Variants in SGCZ observed in about 807,000 individuals in gnomAD.
SGCZ encodes the protein zeta-sarcoglycan.
A neutral mutation model predicts 41.3 loss-of-function variants in SGCZ; 40 were observed. That is an observed-to-expected ratio of 0.97 (90% CI 0.75 to 1.26). SGCZ has a LOEUF of 1.26. Among genes scored for constraint, SGCZ ranks in the 50% most tolerant of loss-of-function variants. SGCZ has a pLI of 0.00. For synonymous variants in SGCZ, 206 were observed against 137.5 expected (o/e 1.50, Z -3.49); for missense variants, 552 against 369.8 (o/e 1.49, Z -4.04).
chr8:14,626,223 C>T (rs1806449276), intron 1 of SGCZ, among the ~76,000 whole-genome samples: 1 of 151,982 alleles, frequency 6.6e-6, no homozygotes, highest in African/African-American at 2.4e-5. Flanking sequence ...AAACGTGTGT[C>T]ATGGTGGTTT....
intron 5 of SGCZ, among the ~76,000 whole-genome samples, chr8:14,154,595 A>C (rs182630225): frequency 6.6e-6 from 1 of 152,182 alleles, no homozygotes. Context: ...TCATGTGCAT[A>C]ATTTTTAAAA....
intron 1 of SGCZ, among the ~76,000 whole-genome samples, chr8:14,566,058 A>G (rs747108587): frequency 1.6e-4 from 24 of 152,232 alleles, no homozygotes; most frequent in Non-Finnish European, 3.4e-4. Flanking sequence ...ATGAAAGGAC[A>G]AATTCACAAT....
chr8:14,107,989 C>T (rs922112802), intron 6 of SGCZ, among the ~76,000 whole-genome samples, 174 bp downstream of exon 6: 1 of 151,872 alleles, frequency 6.6e-6, no homozygotes, highest in African/African-American at 2.4e-5. Context: ...TGTATAACTG[C>T]CTTTGCCTTT....
intron 6 of SGCZ, among the ~76,000 whole-genome samples, chr8:14,104,118 C>T (rs918914050): frequency 1.3e-5 from 2 of 151,998 alleles, no homozygotes; most frequent in Admixed American, 6.6e-5. Flanking sequence ...TATAAAATAT[C>T]GTCTAAAAAG....
intron 1 of SGCZ, among the ~76,000 whole-genome samples, chr8:14,811,947 T>C (rs1801750732): frequency 6.6e-6 from 1 of 152,018 alleles, no homozygotes; most frequent in Non-Finnish European, 1.5e-5. Flanking sequence ...CAATTAATTA[T>C]CCTGAGCTGG....
intron 4 of SGCZ, among the ~76,000 whole-genome samples, chr8:14,218,856 C>G (rs1335717460): frequency 6.6e-6 from 1 of 152,118 alleles, no homozygotes; most frequent in Non-Finnish European, 1.5e-5. Flanking sequence ...CAATGAGAAC[C>G]TTGGCGATGA....
intron 1 of SGCZ, among the ~76,000 whole-genome samples, chr8:15,221,989 T>C (rs1801620469): frequency 6.6e-6 from 1 of 152,210 alleles, no homozygotes. Flanking sequence ...CACTTACATT[T>C]CAAAATGCAT....
rs558120996 is a variant in SGCZ at position 14,253,471 on chromosome 8, A to C, written c.337-15792T>G. ...AGACTAGTTGACATGTATATGAAAC[A>C]AGTAATCTTTATGCCTCAAAGCTGA... is the stretch of plus-strand genomic sequence containing the variant. On this transcript the variant is annotated intron_variant, in intron 3 of 7. Transcript: ENST00000382080. Among the ~76,000 whole-genome samples the C allele has an allele frequency of 2.6e-3, 393 of 152,270 alleles. 4 individuals carry two copies. Among genetic ancestry groups the C allele is most frequent in the African/African-American group, 9.0e-3 (373 of 41,570 alleles).
At chr8:14,655,586 A>G (rs1807539496) in intron 1 of SGCZ, among the ~76,000 whole-genome samples, 1 of 152,116 alleles carries the variant, frequency 6.6e-6, no homozygotes, top group African/African-American at 2.4e-5. Flanking sequence ...GAAATTCACC[A>G]GTAGTTGTAA....
chr8:14,402,549 C>A (rs1399121456), intron 2 of SGCZ, among the ~76,000 whole-genome samples: 1 of 146,772 alleles, frequency 6.8e-6, no homozygotes, highest in Non-Finnish European at 1.5e-5. Context: ...ATAGGGAATC[C>A]TTTCCCCATT....
At chr8:15,144,276 T>C (rs1329156150) in intron 1 of SGCZ, among the ~76,000 whole-genome samples, 1 of 152,206 alleles carries the variant, frequency 6.6e-6, no homozygotes, top group African/African-American at 2.4e-5. Flanking sequence ...ATGTACTTGA[T>C]CCTATATATC....
At chr8:14,933,258 C>G (rs1799972034) in intron 1 of SGCZ, among the ~76,000 whole-genome samples, 1 of 151,818 alleles carries the variant, frequency 6.6e-6, no homozygotes, top group African/African-American at 2.4e-5. Context: ...AAAAGAATAT[C>G]TGCCAAAACC....
At chr8:15,048,540 T>C (rs1804397156) in intron 1 of SGCZ, among the ~76,000 whole-genome samples, 1 of 152,076 alleles carries the variant, frequency 6.6e-6, no homozygotes, top group Admixed American at 6.6e-5. Context: ...ATTCCAATTA[T>C]CCTGACTTGA....
At chr8:14,881,097 A>G (rs191836545) in intron 1 of SGCZ, among the ~76,000 whole-genome samples, 1 of 152,212 alleles carries the variant, frequency 6.6e-6, no homozygotes, top group East Asian at 1.9e-4. Flanking sequence ...CCCTCATTAT[A>G]TCTAATGAAA....
At chr8:14,859,433 T>C (rs940019658) in intron 1 of SGCZ, among the ~76,000 whole-genome samples, 6 of 152,088 alleles carry the variant, frequency 3.9e-5, no homozygotes, top group Non-Finnish European at 7.4e-5. Context: ...TTATTACTAT[T>C]ATAAAAACTA....
intron 2 of SGCZ, among the ~76,000 whole-genome samples, chr8:14,538,209 A>T (rs1803354917): frequency 6.6e-6 from 1 of 151,886 alleles, no homozygotes; most frequent in African/African-American, 2.4e-5. Flanking sequence ...TGCTATTTTA[A>T]CTTATTTTTA....
intron 1 of SGCZ, among the ~76,000 whole-genome samples, chr8:14,861,530 A>G (rs1158799093): frequency 6.6e-6 from 1 of 152,186 alleles, no homozygotes; most frequent in African/African-American, 2.4e-5. Context: ...ATTGCATGAC[A>G]TAAAGAACAG....
intron 1 of SGCZ, among the ~76,000 whole-genome samples, chr8:15,204,222 T>C (rs1424681795): frequency 6.6e-6 from 1 of 152,174 alleles, no homozygotes; most frequent in African/African-American, 2.4e-5. Context: ...AATAATTATA[T>C]AGAGTTGGAG....
intron 2 of SGCZ, among the ~76,000 whole-genome samples, chr8:14,421,481 A>G (rs996291525): frequency 6.6e-6 from 1 of 152,090 alleles, no homozygotes; most frequent in Non-Finnish European, 1.5e-5. Context: ...CTCCATGACA[A>G]CTCCAAGGTA....
Sources: allele counts gnomAD v4.1 joint callset (sites outside exome capture counted in the v4.1 genomes callset), GRCh38; gene constraint gnomAD v4.1.1; transcripts MANE v1.5; gene names NCBI Gene and HGNC (gene_info 2026-07-23, HGNC 2026-07-21).